Variants in SKIL observed in about 807,000 individuals in gnomAD.
The protein encoded by SKIL is SKI like proto-oncogene, also known as ski-like protein.
In SKIL, 20 loss-of-function variants were observed where a neutral mutation model predicts 69.6. The ratio of observed to expected loss-of-function variants is 0.29; its 90% confidence interval spans 0.20 to 0.42. The LOEUF is 0.42. Among genes scored for constraint, SKIL ranks in the 10% least tolerant of loss-of-function variants. SKIL has a pLI of 1.00. For missense variants in SKIL, 745 were observed against 783.1 expected, an observed-to-expected ratio of 0.95 and a Z score of 0.58; for synonymous variants, 310 against 279.9, an observed-to-expected ratio of 1.11 and a Z score of -1.08.
chr3:170,358,790 C>G (rs1313408185), intron 1 of SKIL: 1 of 152,160 alleles, frequency 6.6e-6, no homozygotes, highest in Non-Finnish European at 1.5e-5. Context: ...CTGCCTTGTG[C>G]TTTTTGTCCC....
chr3:170,390,353 T>C lies in SKIL; in HGVS notation c.1560T>C (p.Asp520=), dbSNP rs775678905. 2 of 1,614,124 alleles carry C rather than the reference T, an allele frequency of 1.2e-6. No individual in the cohort carries two copies. The highest frequency in any genetic ancestry group is 4.5e-5 in the East Asian group (2 of 44,882). Residue 520 remains aspartate (D), a synonymous_variant, in exon 5 of 7, where the codon GAT becomes GAC. Transcript: ENST00000259119. Reference sequence around the variant, plus strand: ...CTTCATCTCCGCTTCTTGTGAAAGATGTCATTTGTGAGGATGATAAGGGAA... The same window carrying C: ...CTTCATCTCCGCTTCTTGTGAAAGACGTCATTTGTGAGGATGATAAGGGAA... The part of the protein sequence containing the change: ...AAASSPLLVK[D]VICEDDKGKI...
At chr3:170,386,983 A>G (rs1026321467) in intron 4 of SKIL, among the ~76,000 whole-genome samples, 6 of 152,130 alleles carry the variant, frequency 3.9e-5, no homozygotes, top group Admixed American at 1.3e-4. Flanking sequence ...AAGTTGTGCA[A>G]CCATCACAGC....
intron 4 of SKIL, among the ~76,000 whole-genome samples, chr3:170,385,367 C>T (rs1476578150): frequency 2.0e-5 from 3 of 150,624 alleles, no homozygotes; most frequent in Non-Finnish European, 4.4e-5. Context: ...GTTGGGATTA[C>T]AGTTGTGAGC....
chr3:170,386,607 A>G (rs1233988525), intron 4 of SKIL, among the ~76,000 whole-genome samples: 1 of 152,014 alleles, frequency 6.6e-6, no homozygotes, highest in Non-Finnish European at 1.5e-5. Context: ...AGCTAGGACT[A>G]CAGGCATGTG....
At chr3:170,373,474 G>A (rs1335299038) in intron 2 of SKIL, among the ~76,000 whole-genome samples, 1 of 152,104 alleles carries the variant, frequency 6.6e-6, no homozygotes, top group African/African-American at 2.4e-5. Flanking sequence ...CACTGTGCCT[G>A]GCCTTCCGGC....
Position 170,392,563 on chromosome 3 carries a change from TATATA to T in SKIL, c.*147_*151del, listed in dbSNP as rs1737978700. ...TGTAGATCAGAGAAAGTGAAGAGAT[TATATA>T]TTAGTACTTAAATTTTTACATTTTC... On this transcript the variant is annotated 3_prime_UTR_variant, in exon 7 of 7. Transcript: ENST00000259119. 8.6e-6 allele frequency: 4 copies of T among 467,554 alleles called. No individual in the cohort carries two copies. The highest frequency in any genetic ancestry group is 1.5e-5 in the Non-Finnish European group (4 of 260,608). 29.0% of individuals were successfully genotyped at this position (467,554 alleles called of 1,614,324 possible).
At chr3:170,372,875 A>T (rs1179060243) in intron 2 of SKIL, among the ~76,000 whole-genome samples, 1 of 152,214 alleles carries the variant, frequency 6.6e-6, no homozygotes, top group African/African-American at 2.4e-5. Context: ...AGGGAGATAG[A>T]CTATTAAATT....
intron 2 of SKIL, among the ~76,000 whole-genome samples, chr3:170,374,861 C>G (rs755681382): frequency 6.6e-6 from 1 of 152,116 alleles, no homozygotes; most frequent in Non-Finnish European, 1.5e-5. Flanking sequence ...AAAAATGCAG[C>G]CTTAGAAACT....
Position 170,381,229 on chromosome 3 carries a change from C to T in SKIL, c.1099-15C>T. 4 of 1,394,404 alleles carry T rather than the reference C, an allele frequency of 2.9e-6. No individual in the cohort carries two copies. Among genetic ancestry groups the T allele is most frequent in the Non-Finnish European group, 4.1e-6 (4 of 980,118 alleles). The allele number at this position is 1,394,404 out of a possible 1,614,324, so 86.4% of individuals were successfully genotyped here. A position where few individuals can be genotyped will look rare whatever the true frequency, so the allele number is the denominator to read the frequency against. On this transcript the variant is annotated splice_polypyrimidine_tract_variant and intron_variant, in intron 2 of 6. Transcript: ENST00000259119. Reference sequence around the variant, plus strand: ...TTTACTTCAATAAATGTTTCCCTTCCATGTTTTTCTGCAGACAGATGCACC... The same window carrying T: ...TTTACTTCAATAAATGTTTCCCTTCTATGTTTTTCTGCAGACAGATGCACC...
chr3:170,361,941 T>A (rs891182173), intron 2 of SKIL, among the ~76,000 whole-genome samples: 7 of 152,146 alleles, frequency 4.6e-5, no homozygotes, highest in Non-Finnish European at 1.0e-4. Flanking sequence ...CCACTACATC[T>A]GTTGTTTTTC....
At position 170,372,915 on chromosome 3, in the gene SKIL, T is replaced by C. The variant is rs566575103; in HGVS notation, c.1099-8329T>C. ...AACCTACACTACTGCTTCTGTCTTA[T>C]GAACACAAATTTAAAAATTAATCTT... On this transcript the variant is annotated intron_variant, in intron 2 of 6. Coordinates refer to ENST00000259119, the MANE Select transcript of SKIL (RefSeq NM_005414.5). Among the ~76,000 whole-genome samples the C allele has an allele frequency of 3.0e-3, 455 of 152,302 alleles. 1 individual carries two copies. The highest frequency in any genetic ancestry group is 5.1e-3 in the Non-Finnish European group (345 of 68,020).
chr3:170,388,287 C>T (rs1011403108), intron 4 of SKIL, among the ~76,000 whole-genome samples: 10 of 151,972 alleles, frequency 6.6e-5, no homozygotes, highest in African/African-American at 2.4e-4. Context: ...TCATGTTTTT[C>T]TTGGACATTG....
Position 170,360,005 on chromosome 3 carries a change from T to G in SKIL, c.-327T>G. On this transcript the variant is annotated 5_prime_UTR_variant, in exon 2 of 7. Transcript: ENST00000259119. ...CAGACCATTGCATTGACCCTGGACA[T>G]CTTTAATTGAGAAATTGGTAACTTT... 5.0e-6 allele frequency: 1 copy of G among 200,024 alleles called. No individual in the cohort carries two copies. Among genetic ancestry groups the G allele is most frequent in the Non-Finnish European group, 1.0e-5 (1 of 98,836 alleles). 12.4% of individuals were successfully genotyped at this position (200,024 alleles called of 1,614,324 possible).
intron 2 of SKIL, among the ~76,000 whole-genome samples, chr3:170,364,511 G>A (rs1454623931): frequency 2.0e-5 from 3 of 151,800 alleles, no homozygotes; most frequent in African/African-American, 7.3e-5. Context: ...TTTTAGTAGA[G>A]ATGGGATTTT....
At position 170,394,683 on chromosome 3, in the gene SKIL, A is replaced by G. The variant is rs1738105188; in HGVS notation, c.*2266A>G. On this transcript the variant is annotated 3_prime_UTR_variant, in exon 7 of 7. Transcript: ENST00000259119. ...ATATATTGAAAACTTGCCACATGAC[A>G]TTGTATCGTCTTCATTTTCCAGAAG... 6.6e-6 allele frequency: 1 copy of G among 152,160 alleles called. No homozygotes were observed. The highest frequency in any genetic ancestry group is 1.5e-5 in the Non-Finnish European group (1 of 68,024). The allele number at this position is 152,160 out of a possible 1,614,324, so 9.4% of individuals were successfully genotyped here. A position where few individuals can be genotyped will look rare whatever the true frequency, so the allele number is the denominator to read the frequency against.
chr3:170,370,443 C>A (rs1384182676), intron 2 of SKIL, among the ~76,000 whole-genome samples: 1 of 7,502 alleles, frequency 1.3e-4, no homozygotes, highest in Non-Finnish European at 2.3e-4. Context: ...GAGAGAGCCC[C>A]CCCCCCCCCC....
rs138840725 is a variant in SKIL, at chr3:170,396,622, A to G, written c.*4205A>G. ...GAAAACTGTCCTCTACCTCACGTGA[A>G]ATAAATATTTTATATGGTTTTACTA... On this transcript the variant is annotated 3_prime_UTR_variant, in exon 7 of 7. Transcript: ENST00000259119. The G allele has an allele frequency of 3.5e-3, 535 of 152,318 alleles. 2 individuals carry two copies. Among genetic ancestry groups the G allele is most frequent in the African/African-American group, 0.012 (509 of 41,572 alleles). 9.4% of individuals were successfully genotyped at this position (152,318 alleles called of 1,614,324 possible).
intron 2 of SKIL, among the ~76,000 whole-genome samples, chr3:170,368,059 C>T (rs1048522405): frequency 7.2e-5 from 11 of 151,970 alleles, no homozygotes; most frequent in Non-Finnish European, 1.5e-4. Flanking sequence ...TATTAGGCAG[C>T]GTATTTGTCA....
chr3:170,361,401 T>C lies in SKIL; in HGVS notation c.1070T>C (p.Met357Thr). ...GAAGAAATGAAGGAGAAGTTTAGCA[T>C]GAGAAGTGGAAAGAGAAATCAATCC... ...ILEEMKEKFS[M>T]RSGKRNQSKT... The change falls in exon 2 of 7, where the codon ATG becomes ACG. Residue 357 changes from methionine (M) to threonine (T), a missense_variant. Transcript: ENST00000259119. The C allele has an allele frequency of 1.3e-6, 2 of 1,590,054 alleles. No individual in the cohort carries two copies. Among genetic ancestry groups the C allele is most frequent in the Non-Finnish European group, 1.7e-6 (2 of 1,171,878 alleles).
Sources: allele counts gnomAD v4.1 joint callset (sites outside exome capture counted in the v4.1 genomes callset), GRCh38; gene constraint gnomAD v4.1.1; transcripts MANE v1.5; gene names NCBI Gene and HGNC (gene_info 2026-07-23, HGNC 2026-07-21).